Variants in A1CF observed in about 807,000 individuals in gnomAD.
A1CF encodes the protein APOBEC-1 stimulating protein.
Under a neutral mutation model 68.9 loss-of-function variants are expected in A1CF, and 48 were observed. The observed-to-expected ratio is 0.70, with a 90% CI of 0.55 to 0.89. The LOEUF (loss-of-function observed/expected upper bound fraction) is 0.89. Among genes scored for constraint, A1CF ranks in the 40% least tolerant of loss-of-function variants. The probability of loss-of-function intolerance (pLI) is 0.00; values close to 1 mark genes in which losing one functional copy is unlikely to be tolerated. For synonymous variants in A1CF, 272 were observed against 260.4 expected, an observed-to-expected ratio of 1.04 and a Z score of -0.43; for missense variants, 653 against 718.9, an observed-to-expected ratio of 0.91 and a Z score of 1.05.
chr10:50,853,074 C>A (rs932879798), intron 3 of A1CF, among the ~76,000 whole-genome samples: 2 of 151,868 alleles, frequency 1.3e-5, no homozygotes, highest in East Asian at 3.9e-4. Flanking sequence ...AGAGAGAATG[C>A]ATATAAAGGA....
intron 6 of A1CF, among the ~76,000 whole-genome samples, chr10:50,833,886 G>A (rs1839364183): frequency 6.6e-6 from 1 of 152,164 alleles, no homozygotes; most frequent in African/African-American, 2.4e-5. Flanking sequence ...CCTGAGACTG[G>A]CTCAAAGGGC....
chr10:50,815,011 T>C (rs1162595357), intron 9 of A1CF, among the ~76,000 whole-genome samples: 1 of 152,224 alleles, frequency 6.6e-6, no homozygotes, highest in Non-Finnish European at 1.5e-5. Context: ...GCTCCTAATA[T>C]GATCAATTTA....
At chr10:50,878,809 T>C (rs866748775) in intron 1 of A1CF, among the ~76,000 whole-genome samples, 1 of 152,368 alleles carries the variant, frequency 6.6e-6, no homozygotes. Context: ...ATCTGTGATT[T>C]AATGAGAAAA....
At chr10:50,852,228 T>G (rs1244327027) in intron 3 of A1CF, among the ~76,000 whole-genome samples, 1 of 152,224 alleles carries the variant, frequency 6.6e-6, no homozygotes, top group Non-Finnish European at 1.5e-5. Flanking sequence ...ATCAAACACT[T>G]CATATATAGT....
intron 7 of A1CF, among the ~76,000 whole-genome samples, chr10:50,821,362 A>G (rs1452305295): frequency 2.0e-5 from 3 of 152,240 alleles, no homozygotes; most frequent in Admixed American, 6.5e-5. Context: ...AGAAACACTC[A>G]CACACATGTA....
chr10:50,835,463 TA>T (rs1355074700), intron 6 of A1CF, among the ~76,000 whole-genome samples: 1 of 152,134 alleles, frequency 6.6e-6, no homozygotes, highest in Non-Finnish European at 1.5e-5. Flanking sequence ...CCAAGAACTG[TA>T]AAAAATTTTC....
Position 50,816,072 on chromosome 10 carries a change from G to A in A1CF, c.1075C>T (p.Leu359Phe). ...TGTCCTTTGGTGGCTGGGAAATGAA[G>A]ACTGGGAATTGCTGCATAGGTCTGG... ...APQTYAAIPS[L>F]HFPATKGHLS... The change falls in exon 9 of 13, where the codon CTT becomes TTT. Residue 359 changes from leucine (L) to phenylalanine (F), a missense_variant. Physicochemically the swap from Leu to Phe is conservative, Grantham distance 22. Coordinates refer to ENST00000373997, the MANE Select transcript of A1CF (RefSeq NM_014576.4). The A allele has an allele frequency of 1.9e-5, 31 of 1,613,844 alleles. No individual in the cohort carries two copies. The highest frequency in any genetic ancestry group is 2.6e-5 in the Non-Finnish European group (31 of 1,179,838).
intron 7 of A1CF, among the ~76,000 whole-genome samples, chr10:50,821,338 G>A (rs1198362754): frequency 1.3e-5 from 2 of 152,160 alleles, no homozygotes; most frequent in African/African-American, 4.8e-5. Context: ...TCTACTTTGA[G>A]TAATGTCTCT....
chr10:50,846,187 A>G (rs1188280262), intron 3 of A1CF, among the ~76,000 whole-genome samples: 1 of 152,182 alleles, frequency 6.6e-6, no homozygotes, highest in African/African-American at 2.4e-5. Flanking sequence ...GGGTATACGA[A>G]ATCGTTAAAA....
intron 5 of A1CF, among the ~76,000 whole-genome samples, chr10:50,838,732 C>T (rs1035023394): frequency 2.6e-5 from 4 of 152,146 alleles, no homozygotes; most frequent in African/African-American, 9.7e-5. Context: ...TTCTTCTCTG[C>T]AACAAAAGTT....
chr10:50,838,646 A>G (rs991309885), intron 5 of A1CF, among the ~76,000 whole-genome samples: 8 of 152,324 alleles, frequency 5.3e-5, no homozygotes, highest in South Asian at 2.1e-4. Flanking sequence ...GATGACGATC[A>G]GTGAATATCT....
At chr10:50,838,756 G>A (rs1839638363) in intron 5 of A1CF, among the ~76,000 whole-genome samples, 1 of 152,156 alleles carries the variant, frequency 6.6e-6, no homozygotes, top group Non-Finnish European at 1.5e-5. Flanking sequence ...TCCCTGGCAG[G>A]ACTGACCCAA....
rs762537049 is a variant in A1CF, at chr10:50,815,968, C to T, written c.1141+38G>A. 4 of 1,600,024 alleles carry T rather than the reference C, an allele frequency of 2.5e-6. No individual in the cohort carries two copies. In the African/African-American group the frequency reaches 5.4e-5, roughly 21 times the overall value. On this transcript the variant is annotated intron_variant, in intron 9 of 12. Transcript: ENST00000373997. ...TACTGCAATTTGAGTCATTTGAAAT[C>T]TTGGGATTACTCTAAAGCAAGATCT...
At chr10:50,849,106 A>G (rs994931721) in intron 3 of A1CF, among the ~76,000 whole-genome samples, 1 of 152,150 alleles carries the variant, frequency 6.6e-6, no homozygotes, top group African/African-American at 2.4e-5. Flanking sequence ...AGGAAAGTCT[A>G]TGGGGCCATA....
intron 2 of A1CF, among the ~76,000 whole-genome samples, chr10:50,862,007 AT>A (rs1435617047): frequency 1.3e-5 from 2 of 151,558 alleles, no homozygotes; most frequent in Non-Finnish European, 2.9e-5. Flanking sequence ...AGCAATGGGT[AT>A]TCTACTACTG....
Position 50,811,185 on chromosome 10 carries a change from A to AT in A1CF, c.1324-10dup. The AT allele has an allele frequency of 2.5e-6, 4 of 1,596,440 alleles. No individual in the cohort carries two copies. Among genetic ancestry groups the AT allele is most frequent in the Non-Finnish European group, 3.4e-6 (4 of 1,171,394 alleles). On this transcript the variant is annotated splice_polypyrimidine_tract_variant and intron_variant, in intron 10 of 12. Transcript: ENST00000373997. ...CAAATCTCTTCTAATATCTACAAGA[A>AT]TAAAAAAAGTTATTTCCCCCTCAAA...
At chr10:50,871,139 T>C (rs1841248277) in intron 1 of A1CF, among the ~76,000 whole-genome samples, 1 of 151,726 alleles carries the variant, frequency 6.6e-6, no homozygotes, top group Admixed American at 6.6e-5. Flanking sequence ...TACTTAGTAA[T>C]GAAACACCAC....
chr10:50,810,457 A>G (rs75414883), intron 11 of A1CF, among the ~76,000 whole-genome samples: 14,524 of 152,244 alleles, frequency 0.095, 741 homozygotes, highest in South Asian at 0.13. Flanking sequence ...CTTCAACCTA[A>G]ACACTGCACA....
At chr10:50,831,584 C>T (rs945482946) in intron 6 of A1CF, among the ~76,000 whole-genome samples, 1 of 152,044 alleles carries the variant, frequency 6.6e-6, no homozygotes. Context: ...CAAAGTTAGC[C>T]AGGCGTGGTG....
Sources: gnomAD v4.1 joint callset for allele counts (sites outside exome capture counted in the v4.1 genomes callset) on GRCh38, gnomAD v4.1.1 for gene constraint, MANE v1.5 for transcripts, NCBI Gene and HGNC (gene_info 2026-07-23, HGNC 2026-07-21) for gene names.